SIGLEC10: variants seen among roughly 807,000 people sequenced by gnomAD.
SIGLEC10 encodes sialic acid-binding Ig-like lectin 10.
SIGLEC10 carries 45 observed loss-of-function variants against 68.3 expected under a neutral mutation model. The observed-to-expected ratio is 0.66, with a 90% CI of 0.52 to 0.84. SIGLEC10 has a LOEUF of 0.84. Ranked by LOEUF, SIGLEC10 falls within the 40% of genes least tolerant of loss-of-function variation. SIGLEC10 has a pLI of 0.00. For missense variants in SIGLEC10, 789 were observed against 883.1 expected, an observed-to-expected ratio of 0.89 and a Z score of 1.35; for synonymous variants, 379 against 370.8, an observed-to-expected ratio of 1.02 and a Z score of -0.26.
chr19:51,417,269 C>A lies in SIGLEC10; in HGVS notation c.234G>T (p.Gln78His). 6.2e-7 allele frequency: 1 copy of A among 1,614,226 alleles called. No individual in the cohort carries two copies. Among genetic ancestry groups the A allele is most frequent in the African/African-American group, 1.3e-5 (1 of 75,052 alleles). Residue 78 changes from glutamine (Q) to histidine (H), a missense_variant, in exon 2 of 11, where the codon CAG (glutamine) becomes CAT (histidine). Physicochemically the swap from Gln to His is conservative, Grantham distance 24 (BLOSUM62 0). Coordinates refer to ENST00000339313, the MANE Select transcript of SIGLEC10 (RefSeq NM_033130.5). ...TKGAPVATNH[Q>H]SREVEMSTRG... ...GGGTGCTCATTTCCACCTCTCGACT[C>A]TGGTGGTTTGTGGCCACAGGAGCAC... is the stretch of plus-strand genomic sequence containing the variant.
rs969052855 is a variant in SIGLEC10, at chr19:51,415,617, T to C, written c.1025-2A>G. On this transcript the variant is annotated splice_acceptor_variant, in intron 5 of 10. Coordinates refer to ENST00000339313, the MANE Select transcript of SIGLEC10 (RefSeq NM_033130.5). LOFTEE classifies it high-confidence loss of function. Reference sequence around the variant, plus strand: ...TCACTCTCAGGTTCTCTGGAGGATCTGAAATGGAGACAGGGGACCGGCTCT... The same window carrying C: ...TCACTCTCAGGTTCTCTGGAGGATCCGAAATGGAGACAGGGGACCGGCTCT... 1 of 1,613,774 alleles carries C rather than the reference T, an allele frequency of 6.2e-7. No individual in the cohort carries two copies. The highest frequency in any genetic ancestry group is 1.3e-5 in the African/African-American group (1 of 74,876).
In SIGLEC10 at chr19:51,414,962, C is replaced by T. The variant is rs751324745; in HGVS notation, c.1477G>A (p.Glu493Lys). 1.3e-4 allele frequency: 214 copies of T among 1,613,686 alleles called. 1 individual carries two copies. The Admixed American group carries it at 3.4e-3, about 25-fold the overall frequency. ...LEGNSSQDSF[E>K]VTPSSAGPWA... Reference sequence around the variant, plus strand: ...GGCCCGGCTGAGCTGGGGGTGACCTCGAAGGAGTCCTGGCTGCTGTTCCCC... The same window carrying T: ...GGCCCGGCTGAGCTGGGGGTGACCTTGAAGGAGTCCTGGCTGCTGTTCCCC... Residue 493 changes from glutamate (E) to lysine (K), a missense_variant, in exon 8 of 11, where the codon GAG becomes AAG. Coordinates refer to ENST00000339313, the MANE Select transcript of SIGLEC10 (RefSeq NM_033130.5). The surrounding 1 kb of genome is among the most constrained non-coding windows in gnomAD (Gnocchi z 4.1).
intron 5 of SIGLEC10, 85 bp downstream of exon 5, chr19:51,415,813 C>A (rs1988561291): frequency 6.3e-7 from 1 of 1,590,342 alleles, no homozygotes; most frequent in South Asian, 1.1e-5. Context: ...GGGCTCCAGG[C>A]CCCCTCAGCT....
rs1568492643 is a variant in SIGLEC10, at chr19:51,410,994, G to GAA, written c.*104_*105insTT. 16 of 824,486 alleles carry GAA rather than the reference G, an allele frequency of 1.9e-5. No individual in the cohort carries two copies. Among genetic ancestry groups the GAA allele is most frequent in the South Asian group, 6.8e-5 (3 of 43,802 alleles). The allele number at this position is 824,486 out of a possible 1,614,324, so 51.1% of individuals were successfully genotyped here. A position where few individuals can be genotyped will look rare whatever the true frequency, so the allele number is the denominator to read the frequency against. On this transcript the variant is annotated 3_prime_UTR_variant, in exon 11 of 11. Transcript: ENST00000339313. Reference sequence around the variant, plus strand: ...AGAGAAAGAGAGAGAGAGAGAGAAAGAGAGAGAGAGAGGGAGAGAAGGAAA... The same window carrying GAA: ...AGAGAAAGAGAGAGAGAGAGAGAAAGAAAGAGAGAGAGAGGGAGAGAAGGAAA...
At chr19:51,416,576 G>A (rs1988690396) in intron 3 of SIGLEC10, 90 bp downstream of exon 3, 1 of 1,590,340 alleles carries the variant, frequency 6.3e-7, no homozygotes, top group Non-Finnish European at 8.6e-7. Flanking sequence ...ATGCTCCTGA[G>A]CTGGGAGCCG....
At position 51,410,672 on chromosome 19, in the gene SIGLEC10, G is replaced by T; in HGVS notation, c.*427C>A. On this transcript the variant is annotated 3_prime_UTR_variant, in exon 11 of 11. Coordinates refer to ENST00000339313, the MANE Select transcript of SIGLEC10 (RefSeq NM_033130.5). ...ATTTGGAGGATTTTTTTTTTGAGAT[G>T]GAGTCTCGCTTTGTTGCCCAGGCTG... 1 of 155,534 alleles carries T rather than the reference G, an allele frequency of 6.4e-6. No individual in the cohort carries two copies. Among genetic ancestry groups the T allele is most frequent in the Non-Finnish European group, 1.4e-5 (1 of 70,740 alleles). 9.6% of individuals were successfully genotyped at this position (155,534 alleles called of 1,614,324 possible). A position where few individuals can be genotyped will look rare whatever the true frequency, so the allele number is the denominator to read the frequency against.
At chr19:51,412,216 T>A (rs1481483427) in intron 10 of SIGLEC10, among the ~76,000 whole-genome samples, 1 of 142,236 alleles carries the variant, frequency 7.0e-6, no homozygotes, top group African/African-American at 2.6e-5. Context: ...CTGGAGGGGG[T>A]GAGAACGGAA....
Position 51,416,853 on chromosome 19 carries a change from A to G in SIGLEC10, c.519T>C (p.Cys173=). 3 of 1,614,120 alleles carry G rather than the reference A, an allele frequency of 1.9e-6. No homozygotes were observed. The highest frequency in any genetic ancestry group is 1.6e-4 in the Middle Eastern group (1 of 6,062). ...CCGTCCAGGAGAAAGAAGGGGGTGG[A>G]CATTCCTCAAAGGCCCAGTTAAACA... ...ICVFNWAFEE[C]PPPSFSWTGA... Residue 173 remains cysteine, a synonymous_variant, in exon 3 of 11, where the codon TGT becomes TGC. Transcript: ENST00000339313.
At chr19:51,411,484 T>C in intron 10 of SIGLEC10, 113 bp from the exon 11 acceptor site, 3 of 1,317,370 alleles carry the variant, frequency 2.3e-6, no homozygotes, top group Non-Finnish European at 3.1e-6. Context: ...TGCCCTTGCC[T>C]TGCTGAGCTT....
intron 2 of SIGLEC10, 26 bp from the exon 3 acceptor site, chr19:51,416,976 T>C: frequency 1.3e-6 from 2 of 1,599,400 alleles, no homozygotes; most frequent in Non-Finnish European, 1.7e-6. Flanking sequence ...TGGTGGGAGA[T>C]TCTTGTGCTG....
Position 51,416,229 on chromosome 19 carries a change from G to GGA in SIGLEC10, c.755-64_755-63dup, listed in dbSNP as rs762837476. On this transcript the variant is annotated intron_variant, in intron 4 of 10. Coordinates refer to ENST00000339313, the MANE Select transcript of SIGLEC10 (RefSeq NM_033130.5). ...AGGGAGAAAGAGAGAAGGGGTACAG[G>GGA]GAGGAGCACATCCCCTCATCCCCTG... The GGA allele has an allele frequency of 2.0e-5, 32 of 1,612,058 alleles. No homozygotes were observed. In the African/African-American group the frequency reaches 4.0e-4, roughly 20 times the overall value.
In SIGLEC10 at chr19:51,416,970, G is replaced by A. The variant is rs367642329; in HGVS notation, c.422-20C>T. 9 of 1,602,032 alleles carry A rather than the reference G, an allele frequency of 5.6e-6. No homozygotes were observed. The highest frequency in any genetic ancestry group is 6.8e-6 in the Non-Finnish European group (8 of 1,173,264). On this transcript the variant is annotated intron_variant, in intron 2 of 10. Coordinates refer to ENST00000339313, the MANE Select transcript of SIGLEC10 (RefSeq NM_033130.5). ...TCAGGGCTGGGACAGAGACCGTGGT[G>A]GGAGATTCTTGTGCTGCAGGGGTCC...
Position 51,416,686 on chromosome 19 carries a change from G to A in SIGLEC10, c.686C>T (p.Thr229Ile), listed in dbSNP as rs1568501652. The A allele has an allele frequency of 6.2e-7, 1 of 1,613,938 alleles. No homozygotes were observed. ...CTCACAGGCCACACGGAGTCGGACG[G>A]TCCTCTGTGCGCTCACACCCTTTCT... is the stretch of plus-strand genomic sequence containing the variant. ...FSRKGVSAQR[T>I]VRLRVAYAPR... is the part of the protein sequence containing the mutation. Residue 229 changes from threonine to isoleucine, a missense_variant, in exon 3 of 11, where the codon ACC becomes ATC. Transcript: ENST00000339313.
Position 51,414,285 on chromosome 19 carries a change from G to C in SIGLEC10, c.1709+137C>G. 1.4e-6 allele frequency: 1 copy of C among 704,478 alleles called. No individual in the cohort carries two copies. Among genetic ancestry groups the C allele is most frequent in the South Asian group, 1.8e-5 (1 of 56,516 alleles). The allele number at this position is 704,478 out of a possible 1,614,324, so 43.6% of individuals were successfully genotyped here. A position where few individuals can be genotyped will look rare whatever the true frequency, so the allele number is the denominator to read the frequency against. On this transcript the variant is annotated intron_variant, in intron 9 of 10. Transcript: ENST00000339313. This position sits in a 1 kb window ranked among gnomAD's most constrained non-coding sequence, Gnocchi z 4.1. ...CAGTTGGACAACATTCTGCATTTAT[G>C]AGAACAGTTTGCTGTTTACTCATGT...
In SIGLEC10 at chr19:51,413,785, G is replaced by T. The variant is rs201565763; in HGVS notation, c.1748C>A (p.Thr583Asn). The T allele has an allele frequency of 6.1e-5, 99 of 1,614,094 alleles. No individual in the cohort carries two copies. The East Asian group carries it at 9.4e-4, about 15-fold the overall frequency. Residue 583 changes from threonine (T) to asparagine (N), a missense_variant, in exon 10 of 11, where the codon ACC (threonine) becomes AAC (asparagine). Thr to Asn is a moderately conservative substitution (Grantham distance 65, BLOSUM62 0). Coordinates refer to ENST00000339313, the MANE Select transcript of SIGLEC10 (RefSeq NM_033130.5). ...GTGCCGGGAGAACCTGGGCCTCGGG[G>T]TTTCTGTCTGAGTCCGTCTCTTCGG... ...ILPKRRTQTE[T>N]PRPRFSRHST...
chr19:51,411,164 G>A lies in SIGLEC10; in HGVS notation c.2029C>T (p.Pro677Ser). The A allele has an allele frequency of 3.1e-6, 5 of 1,614,232 alleles. No homozygotes were observed. The highest frequency in any genetic ancestry group is 2.2e-5 in the East Asian group (1 of 44,888). The change falls in exon 11 of 11, where the codon CCC becomes TCC. Residue 677 changes from proline to serine, a missense_variant. Coordinates refer to ENST00000339313, the MANE Select transcript of SIGLEC10 (RefSeq NM_033130.5). ...TTGGGCATCCGGGCCTCAGGCCTGG[G>A]TCTGACGCCTGGGAAGTTGAGCGTG... ...YATLNFPGVRPRPEARMPKGT... is the reference protein window; with the variant it reads ...YATLNFPGVRSRPEARMPKGT...
rs367925682 is a variant in SIGLEC10, at chr19:51,410,974, A to AAG, written c.*123_*124dup. Reference sequence around the variant, plus strand: ...CAGATGTTTTTTTAAAAGAGAGAGAAAGAGAGAGAGAGAGAGAAAGAGAGA... The same window carrying AAG: ...CAGATGTTTTTTTAAAAGAGAGAGAAAGAGAGAGAGAGAGAGAGAAAGAGAGA... On this transcript the variant is annotated 3_prime_UTR_variant, in exon 11 of 11. Coordinates refer to ENST00000339313, the MANE Select transcript of SIGLEC10 (RefSeq NM_033130.5). The AAG allele has an allele frequency of 0.1, 103,986 of 1,026,470 alleles. 2,742 individuals carry two copies. The highest frequency in any genetic ancestry group is 0.21 in the African/African-American group (12,780 of 60,532). 63.6% of individuals were successfully genotyped at this position (1,026,470 alleles called of 1,614,324 possible).
Position 51,416,375 on chromosome 19 carries a change from G to A in SIGLEC10, c.707-18C>T, listed in dbSNP as rs370868717. On this transcript the variant is annotated intron_variant, in intron 3 of 10. Coordinates refer to ENST00000339313, the MANE Select transcript of SIGLEC10 (RefSeq NM_033130.5). The stretch of plus-strand genomic sequence containing the variant: ...GGGGGCATCTGCAACAAGATTGTGA[G>A]CTGGCTTCAGGGAGGGACAATTTAT... 14 of 1,613,994 alleles carry A rather than the reference G, an allele frequency of 8.7e-6. No homozygotes were observed. The African/African-American group carries it at 1.5e-4, about 17-fold the overall frequency.
rs1988493615 is a variant in SIGLEC10, at chr19:51,415,319, C to T, written c.1192G>A (p.Val398Ile). The change falls in exon 7 of 11, where the codon GTT (valine) becomes ATT (isoleucine). Residue 398 changes from valine to isoleucine, a missense_variant. Transcript: ENST00000339313. ...ARLSWTQRGQ[V>I]LSPSQPSDPG... ...TCTGAGGGCTGGGAGGGGCTCAGAA[C>T]CTGTCCCCTCTGGGTCCAGCTCAGC... The T allele has an allele frequency of 6.2e-7, 1 of 1,613,878 alleles. No individual in the cohort carries two copies. The highest frequency in any genetic ancestry group is 8.5e-7 in the Non-Finnish European group (1 of 1,179,878).
Sources: gnomAD v4.1 joint callset for allele counts (sites outside exome capture counted in the v4.1 genomes callset) on GRCh38, gnomAD v4.1.1 for gene constraint, Gnocchi (gnomAD v3.1) non-coding constraint, MANE v1.5 for transcripts, NCBI Gene and HGNC (gene_info 2026-07-23, HGNC 2026-07-21) for gene names.